Variants in PARN observed in about 807,000 individuals in gnomAD.
PARN encodes poly(A)-specific ribonuclease PARN.
A neutral mutation model predicts 102.8 loss-of-function variants in PARN; 71 were observed. The observed-to-expected ratio is 0.69, with a 90% CI of 0.57 to 0.84. PARN has a LOEUF of 0.84. PARN is among the 40% of genes least tolerant of loss of function. The pLI is 0.00. For missense variants in PARN, 782 were observed against 760.9 expected (o/e 1.03, Z -0.33); for synonymous variants, 261 against 252.9 (o/e 1.03, Z -0.30).
chr16:14,579,731 T>A (rs922685993), intron 18 of PARN, among the ~76,000 whole-genome samples: 6 of 152,146 alleles, frequency 3.9e-5, no homozygotes, highest in Admixed American at 3.9e-4. Flanking sequence ...TCCCAGCACT[T>A]TGGGAGGCTG....
At chr16:14,491,504 C>T (rs1964055568) in intron 21 of PARN, among the ~76,000 whole-genome samples, 1 of 152,112 alleles carries the variant, frequency 6.6e-6, no homozygotes, top group Non-Finnish European at 1.5e-5. Context: ...TGGCTCATGC[C>T]TGTAAGCCCT....
intron 21 of PARN, among the ~76,000 whole-genome samples, chr16:14,498,913 T>G (rs896784693): frequency 6.6e-6 from 1 of 152,260 alleles, no homozygotes; most frequent in African/African-American, 2.4e-5. Flanking sequence ...ATTTATTTCA[T>G]TGGTGAGTTC....
At chr16:14,569,116 G>A (rs1415759793) in intron 18 of PARN, among the ~76,000 whole-genome samples, 1 of 151,028 alleles carries the variant, frequency 6.6e-6, no homozygotes, top group Non-Finnish European at 1.5e-5. Context: ...GGAGGCTGAG[G>A]CATGAGAATT....
At chr16:14,559,652 A>AT (rs941255700) in intron 18 of PARN, among the ~76,000 whole-genome samples, 1 of 152,100 alleles carries the variant, frequency 6.6e-6, no homozygotes, top group African/African-American at 2.4e-5. Flanking sequence ...TATTCATTCT[A>AT]TTTTTTGTAC....
chr16:14,609,008 C>A (rs755476289), intron 8 of PARN, 50 bp downstream of exon 8: 9 of 1,019,752 alleles, frequency 8.8e-6, no homozygotes, highest in Non-Finnish European at 1.4e-5. Flanking sequence ...TGCCACAAAC[C>A]ATCTACCTTT....
intron 22 of PARN, among the ~76,000 whole-genome samples, chr16:14,456,517 C>A (rs547618673): frequency 6.6e-6 from 1 of 152,220 alleles, no homozygotes; most frequent in African/African-American, 2.4e-5. Flanking sequence ...CTTTAGTTGG[C>A]TGGAACGTTC....
At chr16:14,540,816 T>C (rs1422014100) in intron 21 of PARN, among the ~76,000 whole-genome samples, 1 of 151,920 alleles carries the variant, frequency 6.6e-6, no homozygotes, top group Non-Finnish European at 1.5e-5. Context: ...CTGGGCATGG[T>C]GGTGTACATC....
At chr16:14,540,878 G>C (rs1195288637) in intron 21 of PARN, among the ~76,000 whole-genome samples, 2 of 152,180 alleles carry the variant, frequency 1.3e-5, no homozygotes, top group Non-Finnish European at 2.9e-5. Flanking sequence ...TTGAGCCCAG[G>C]AGGTAGAGGC....
At position 14,526,901 on chromosome 16, in the gene PARN, T is replaced by C. The variant is rs1194891350; in HGVS notation, c.1480+25120A>G. ...GAATGACTCTCCTGAAGCTCTGAGGTGAGTACCTCTCCTTTAAAAGCAAAT... is the reference window on the plus strand; with the variant it reads ...GAATGACTCTCCTGAAGCTCTGAGGCGAGTACCTCTCCTTTAAAAGCAAAT... On this transcript the variant is annotated intron_variant, in intron 21 of 23. Coordinates refer to ENST00000437198, the MANE Select transcript of PARN (RefSeq NM_002582.4). 2.0e-5 allele frequency among the ~76,000 whole-genome samples: 3 copies of C among 152,166 alleles called. No homozygotes were observed. In the East Asian group the frequency reaches 5.8e-4, roughly 29 times the overall value.
At chr16:14,595,903 A>G (rs559943882) in intron 12 of PARN, among the ~76,000 whole-genome samples, 2 of 152,272 alleles carry the variant, frequency 1.3e-5, no homozygotes, top group South Asian at 4.1e-4. Flanking sequence ...AGCCTGAAGC[A>G]GTCCTCCTGC....
At chr16:14,488,482 C>A (rs1963858963) in intron 21 of PARN, among the ~76,000 whole-genome samples, 1 of 152,158 alleles carries the variant, frequency 6.6e-6, no homozygotes, top group South Asian at 2.1e-4. Flanking sequence ...GTAAGACATT[C>A]AACTGACAGG....
chr16:14,531,125 C>T (rs138975607), intron 21 of PARN, among the ~76,000 whole-genome samples: 17 of 152,124 alleles, frequency 1.1e-4, no homozygotes, highest in Admixed American at 1.1e-3. Context: ...CTGAAGCAGG[C>T]AGATCACTTG....
intron 21 of PARN, among the ~76,000 whole-genome samples, chr16:14,534,985 C>A (rs958239744): frequency 1.3e-5 from 2 of 152,020 alleles, no homozygotes; most frequent in Non-Finnish European, 2.9e-5. Context: ...CAGGCATGTG[C>A]CACCATGCCC....
chr16:14,584,311 A>G (rs1294661484), intron 16 of PARN, 36 bp downstream of exon 16: 4 of 1,372,356 alleles, frequency 2.9e-6, no homozygotes, highest in African/African-American at 2.9e-5. Flanking sequence ...TAATTATTAC[A>G]AAGAGTTTGG....
intron 21 of PARN, among the ~76,000 whole-genome samples, chr16:14,542,669 T>C (rs954096016): frequency 4.0e-5 from 6 of 151,780 alleles, no homozygotes; most frequent in African/African-American, 1.5e-4. Context: ...AATACATAAC[T>C]AAAGTATACA....
At chr16:14,542,668 C>A (rs1450322345) in intron 21 of PARN, among the ~76,000 whole-genome samples, 1 of 151,852 alleles carries the variant, frequency 6.6e-6, no homozygotes, top group Admixed American at 6.6e-5. Flanking sequence ...AAATACATAA[C>A]TAAAGTATAC....
chr16:14,612,223 G>A, intron 6 of PARN, among the ~76,000 whole-genome samples: 1 of 152,122 alleles, frequency 6.6e-6, no homozygotes, highest in East Asian at 1.9e-4. Flanking sequence ...CGGATCACAA[G>A]TTCAAAAGAT....
intron 21 of PARN, among the ~76,000 whole-genome samples, chr16:14,529,517 C>T (rs1966201476): frequency 6.6e-6 from 1 of 152,162 alleles, no homozygotes; most frequent in South Asian, 2.1e-4. Context: ...ACTGCAGCCA[C>T]TTCCAGCCTC....
rs569233465 is a variant in PARN at position 14,571,043 on chromosome 16, C to T, written c.1262+9831G>A. Among the ~76,000 whole-genome samples, 3 of 151,978 alleles carry T rather than the reference C, an allele frequency of 2.0e-5. No homozygotes were observed. In the South Asian group the frequency reaches 6.2e-4, roughly 32 times the overall value. On this transcript the variant is annotated intron_variant, in intron 18 of 23. Coordinates refer to ENST00000437198, the MANE Select transcript of PARN (RefSeq NM_002582.4). ...ATTTAAAAAAGGAAAGAAACAGCTTCTAATAGTTCACTTAGAAGATATATT... is the reference window on the plus strand; with the variant it reads ...ATTTAAAAAAGGAAAGAAACAGCTTTTAATAGTTCACTTAGAAGATATATT...
Sources: allele counts gnomAD v4.1 joint callset (sites outside exome capture counted in the v4.1 genomes callset), GRCh38; gene constraint gnomAD v4.1.1; transcripts MANE v1.5; gene names NCBI Gene and HGNC (gene_info 2026-07-23, HGNC 2026-07-21).